Variants in UNC80 observed in about 807,000 individuals in gnomAD.
UNC80 encodes protein unc-80 homolog.
Under a neutral mutation model 384.6 loss-of-function variants are expected in UNC80, and 164 were observed. That is an observed-to-expected ratio of 0.43 (90% confidence interval 0.38 to 0.49). UNC80 has a LOEUF of 0.49. Among genes scored for constraint, UNC80 ranks in the 20% least tolerant of loss-of-function variants. The pLI is 0.00. For synonymous variants in UNC80, 1,486 were observed against 1,527.8 expected (o/e 0.97, Z 0.64); for missense variants, 3,330 against 4,143.0 (o/e 0.80, Z 5.39).
chr2:209,985,948 G>A (rs1321586752), intron 61 of UNC80, among the ~76,000 whole-genome samples: 1 of 149,464 alleles, frequency 6.7e-6, no homozygotes, highest in Non-Finnish European at 1.5e-5. Context: ...ATCATCGGGT[G>A]TATTTTTTTT....
chr2:209,833,238 G>A (rs1353580442), intron 16 of UNC80, among the ~76,000 whole-genome samples: 1 of 146,538 alleles, frequency 6.8e-6, no homozygotes, highest in Admixed American at 6.9e-5. Context: ...TGTTCTTTAG[G>A]CTTCTGCATT....
intron 22 of UNC80, chr2:209,868,962 T>A (rs1415415321): frequency 6.6e-6 from 1 of 152,128 alleles, no homozygotes; most frequent in Non-Finnish European, 1.5e-5. Context: ...TGGGCAGACA[T>A]GTTAATAAGA....
intron 43 of UNC80, among the ~76,000 whole-genome samples, chr2:209,940,711 G>A (rs1214076711): frequency 6.6e-6 from 1 of 152,140 alleles, no homozygotes; most frequent in Non-Finnish European, 1.5e-5. Context: ...CAGCTACTCA[G>A]GGGTCTGAAG....
At chr2:209,917,721 C>T in intron 31 of UNC80, 56 bp from the exon 32 acceptor site, 1 of 1,536,384 alleles carries the variant, frequency 6.5e-7, no homozygotes, top group Non-Finnish European at 8.8e-7. Context: ...CTCCCCAACC[C>T]CAGGAACTAA....
intron 22 of UNC80, among the ~76,000 whole-genome samples, chr2:209,858,904 C>T (rs578186483): frequency 2.0e-5 from 3 of 151,598 alleles, no homozygotes; most frequent in Non-Finnish European, 2.9e-5. Flanking sequence ...TTTCATGCCT[C>T]CTTTTAGATT....
chr2:209,816,111 C>T (rs1192432199), intron 9 of UNC80, among the ~76,000 whole-genome samples: 1 of 152,118 alleles, frequency 6.6e-6, no homozygotes, highest in Non-Finnish European at 1.5e-5. Flanking sequence ...CAACAAAAGA[C>T]AATGGCTATC....
intron 7 of UNC80, among the ~76,000 whole-genome samples, chr2:209,808,597 G>A (rs1449585250): frequency 1.3e-5 from 2 of 151,810 alleles, no homozygotes; most frequent in African/African-American, 2.4e-5. Flanking sequence ...CGGCCCACTT[G>A]CTCAGAGCGT....
At chr2:209,907,005 C>T (rs546450778) in intron 29 of UNC80, among the ~76,000 whole-genome samples, 4 of 152,206 alleles carry the variant, frequency 2.6e-5, no homozygotes, top group Admixed American at 2.6e-4. Flanking sequence ...TAACATAGCC[C>T]AACCCAAACA....
chr2:209,847,752 TA>T (rs1326553687), intron 21 of UNC80, among the ~76,000 whole-genome samples: 1 of 152,072 alleles, frequency 6.6e-6, no homozygotes, highest in Non-Finnish European at 1.5e-5. Flanking sequence ...CTTCCTTAAA[TA>T]AAATGATCTC....
chr2:209,857,914 T>A (rs901169655), intron 22 of UNC80, among the ~76,000 whole-genome samples: 3 of 152,210 alleles, frequency 2.0e-5, no homozygotes, highest in African/African-American at 7.2e-5. Flanking sequence ...AGAATTAATT[T>A]AGACTTCCTT....
intron 51 of UNC80, among the ~76,000 whole-genome samples, chr2:209,959,988 T>TA (rs1339830923): frequency 6.6e-6 from 1 of 152,212 alleles, no homozygotes; most frequent in Non-Finnish European, 1.5e-5. Flanking sequence ...AGGGAAATTT[T>TA]ATCACCTGAA....
chr2:209,955,038 A>G (rs370071647), intron 48 of UNC80, among the ~76,000 whole-genome samples: 17 of 152,176 alleles, frequency 1.1e-4, no homozygotes, highest in African/African-American at 3.1e-4. Context: ...CACTATGCGT[A>G]TGATGGGCTT....
chr2:209,831,708 T>A, intron 16 of UNC80, 117 bp downstream of exon 16: 1 of 1,180,662 alleles, frequency 8.5e-7, no homozygotes, highest in Non-Finnish European at 1.1e-6. Flanking sequence ...CTTTAAAGTT[T>A]AAATATCTAT....
At chr2:209,962,373 C>T (rs535134558) in intron 51 of UNC80, among the ~76,000 whole-genome samples, 2 of 152,040 alleles carry the variant, frequency 1.3e-5, no homozygotes, top group Admixed American at 1.3e-4. Flanking sequence ...CTGAGGTCTT[C>T]ATTTTGGCGT....
intron 22 of UNC80, among the ~76,000 whole-genome samples, chr2:209,861,831 ATAG>A (rs2083365076): frequency 2.0e-5 from 3 of 152,146 alleles, no homozygotes; most frequent in Admixed American, 6.5e-5. Flanking sequence ...AGAGGGGTTT[ATAG>A]TATTCTCTGA....
intron 59 of UNC80, among the ~76,000 whole-genome samples, chr2:209,981,530 T>C (rs1056073696): frequency 6.6e-6 from 1 of 152,222 alleles, no homozygotes; most frequent in Non-Finnish European, 1.5e-5. Context: ...TGAGCCAAGA[T>C]CGCGCCAATG....
intron 7 of UNC80, among the ~76,000 whole-genome samples, chr2:209,812,028 T>C (rs1026170975): frequency 1.3e-5 from 2 of 152,096 alleles, no homozygotes; most frequent in African/African-American, 4.8e-5. Flanking sequence ...CCTTACTCCA[T>C]AGTATTTTTG....
At chr2:209,816,682 C>A (rs1323662493) in intron 9 of UNC80, among the ~76,000 whole-genome samples, 1 of 152,196 alleles carries the variant, frequency 6.6e-6, no homozygotes, top group Non-Finnish European at 1.5e-5. Flanking sequence ...CTAGTCTAAC[C>A]AAACCCAGGA....
intron 48 of UNC80, among the ~76,000 whole-genome samples, chr2:209,955,074 G>A (rs1253389870): frequency 1.3e-5 from 2 of 152,124 alleles, no homozygotes; most frequent in African/African-American, 2.4e-5. Flanking sequence ...ATCTAAATTA[G>A]CTGCCAGGAA....
Sources: gnomAD v4.1 joint callset for allele counts (sites outside exome capture counted in the v4.1 genomes callset) on GRCh38, gnomAD v4.1.1 for gene constraint, MANE v1.5 for transcripts, NCBI Gene and HGNC (gene_info 2026-07-23, HGNC 2026-07-21) for gene names.